ENTPD1: variants seen among roughly 807,000 people sequenced by gnomAD.
The protein encoded by ENTPD1 is ATP diphosphohydrolase.
In ENTPD1, 33 loss-of-function variants were observed where a neutral mutation model predicts 57.0. The ratio of observed to expected loss-of-function variants is 0.58; its 90% confidence interval spans 0.44 to 0.77. The LOEUF is 0.77. ENTPD1 is among the 30% of genes least tolerant of loss of function. The pLI is 0.00. For missense variants in ENTPD1, 501 were observed against 603.4 expected, an observed-to-expected ratio of 0.83 and a Z score of 1.78; for synonymous variants, 202 against 218.8, an observed-to-expected ratio of 0.92 and a Z score of 0.68.
At chr10:95,792,997 A>C (rs1194400324) in intron 1 of ENTPD1, among the ~76,000 whole-genome samples, 1 of 152,170 alleles carries the variant, frequency 6.6e-6, no homozygotes, top group East Asian at 1.9e-4. Flanking sequence ...TCTTGGGCTT[A>C]CTATGCTTTC....
At chr10:95,826,418 A>G (rs2098376651) in intron 2 of ENTPD1, among the ~76,000 whole-genome samples, 1 of 151,900 alleles carries the variant, frequency 6.6e-6, no homozygotes, top group Non-Finnish European at 1.5e-5. Flanking sequence ...ACTAAAATAC[A>G]AAAAATTAGC....
At chr10:95,857,004 C>T (rs1252385775) in intron 7 of ENTPD1, among the ~76,000 whole-genome samples, 4 of 151,474 alleles carry the variant, frequency 2.6e-5, no homozygotes, top group East Asian at 3.9e-4. Flanking sequence ...ATATAATAAA[C>T]GTGTTTTTTT....
chr10:95,737,902 A>G (rs558288987), intron 1 of ENTPD1, among the ~76,000 whole-genome samples: 151 of 152,320 alleles, frequency 9.9e-4, no homozygotes, highest in African/African-American at 3.3e-3. Context: ...TAGGTGGCCA[A>G]ATTAGCTGGA....
chr10:95,817,279 G>A (rs1413703676), intron 1 of ENTPD1, among the ~76,000 whole-genome samples: 1 of 152,204 alleles, frequency 6.6e-6, no homozygotes, highest in Non-Finnish European at 1.5e-5. Flanking sequence ...CGTCTGCCCA[G>A]ACCTGGTTTT....
intron 1 of ENTPD1, among the ~76,000 whole-genome samples, chr10:95,718,688 C>T (rs1182945673): frequency 6.6e-6 from 1 of 152,146 alleles, no homozygotes; most frequent in Non-Finnish European, 1.5e-5. Context: ...ATTAGTTCTG[C>T]CAGCTGAGCA....
At chr10:95,854,253 G>C (rs1264067685) in intron 7 of ENTPD1, among the ~76,000 whole-genome samples, 1 of 152,160 alleles carries the variant, frequency 6.6e-6, no homozygotes, top group African/African-American at 2.4e-5. Flanking sequence ...ATGGTAGTTT[G>C]TATTTCTGTG....
chr10:95,773,545 A>G (rs1174938767), intron 1 of ENTPD1, among the ~76,000 whole-genome samples: 1 of 152,152 alleles, frequency 6.6e-6, no homozygotes, highest in Admixed American at 6.5e-5. Flanking sequence ...CAGATTTAAC[A>G]TAATTCTTAA....
At chr10:95,696,539 C>T in the ENTPD1 span, among the ~76,000 whole-genome samples, 11 of 152,294 alleles carry the variant, frequency 7.2e-5, no homozygotes, top group African/African-American at 2.4e-4. Context: ...CTCAGCCTCC[C>T]GAAGTGTTGG....
intron 1 of ENTPD1, among the ~76,000 whole-genome samples, chr10:95,734,107 C>T (rs1242030362): frequency 1.3e-5 from 2 of 152,190 alleles, no homozygotes; most frequent in African/African-American, 2.4e-5. Flanking sequence ...CCTCACCACA[C>T]TCCCCCTTTC....
chr10:95,699,618 AAGAG>A, the ENTPD1 span, among the ~76,000 whole-genome samples: 2 of 133,910 alleles, frequency 1.5e-5, no homozygotes, highest in Non-Finnish European at 1.7e-5. Flanking sequence ...AAAAAAAAGA[AAGAG>A]AGAGATTGAG....
At chr10:95,759,319 C>A (rs1366530775) in intron 1 of ENTPD1, among the ~76,000 whole-genome samples, 1 of 152,094 alleles carries the variant, frequency 6.6e-6, no homozygotes, top group African/African-American at 2.4e-5. Context: ...CTAATGTAAC[C>A]CCATGCCAGG....
chr10:95,871,497 T>C lies in ENTPD1; in HGVS notation c.*5114T>C. 1.0e-6 allele frequency: 1 copy of C among 985,412 alleles called. No homozygotes were observed. Among genetic ancestry groups the C allele is most frequent in the Middle Eastern group, 5.2e-4 (1 of 1,914 alleles). The allele number at this position is 985,412 out of a possible 1,614,324, so 61.0% of individuals were successfully genotyped here. ...TACGTTTAGGACAATGTATAGCTAA[T>C]TACCCAACTTTTTATTTGCATACAA... On this transcript the variant is annotated 3_prime_UTR_variant, in exon 10 of 10. Coordinates refer to ENST00000371205, the MANE Select transcript of ENTPD1 (RefSeq NM_001776.6).
chr10:95,742,426 C>A (rs1032531909), intron 1 of ENTPD1, among the ~76,000 whole-genome samples: 1 of 152,046 alleles, frequency 6.6e-6, no homozygotes, highest in Non-Finnish European at 1.5e-5. Flanking sequence ...CTGTCCTCCC[C>A]CTAGAGTTGC....
At chr10:95,774,688 A>G (rs1336661685) in intron 1 of ENTPD1, among the ~76,000 whole-genome samples, 4 of 152,146 alleles carry the variant, frequency 2.6e-5, no homozygotes, top group Non-Finnish European at 5.9e-5. Context: ...CCACTGGTCT[A>G]TCTCTCTGTT....
rs71034350 is a variant in ENTPD1, at chr10:95,760,814, C to CTTTTTTTTTTTTTTTTTTTTTTTTTTTT, written c.16+4565_16+4592dup. ...TGGAGTAAATTACATAGAGTTTATTCTTTTTTTTTTTTTTTTTTTTTTTTT... is the reference window on the plus strand; with the variant it reads ...TGGAGTAAATTACATAGAGTTTATTCTTTTTTTTTTTTTTTTTTTTTTTTTTTTTTTTTTTTTTTTTTTTTTTTTTTTT... On this transcript the variant is annotated intron_variant, in intron 1 of 9. Transcript: ENST00000371205. Among the ~76,000 whole-genome samples, 5 of 62,956 alleles carry CTTTTTTTTTTTTTTTTTTTTTTTTTTTT rather than the reference C, an allele frequency of 7.9e-5. 2 individuals carry two copies. The highest frequency in any genetic ancestry group is 2.1e-4 in the Admixed American group (1 of 4,846). The allele number at this position is 62,956 out of a possible 152,430, so 41.3% of individuals were successfully genotyped here.
At chr10:95,865,054 C>T (rs1169698554) in intron 9 of ENTPD1, among the ~76,000 whole-genome samples, 193 bp downstream of exon 9, 1 of 152,164 alleles carries the variant, frequency 6.6e-6, no homozygotes, top group East Asian at 1.9e-4. Context: ...TGAGCATCCT[C>T]GCTAAGGACA....
intron 1 of ENTPD1, among the ~76,000 whole-genome samples, chr10:95,818,645 A>T (rs1706980166): frequency 6.6e-6 from 1 of 152,188 alleles, no homozygotes; most frequent in African/African-American, 2.4e-5. Context: ...CTTGGGATGA[A>T]ATAACTGAGA....
At chr10:95,759,971 A>G (rs2098049621) in intron 1 of ENTPD1, among the ~76,000 whole-genome samples, 1 of 152,070 alleles carries the variant, frequency 6.6e-6, no homozygotes, top group Non-Finnish European at 1.5e-5. Flanking sequence ...GATACGTTCT[A>G]CCTCCTCAAG....
intron 1 of ENTPD1, among the ~76,000 whole-genome samples, chr10:95,796,804 C>A (rs1440065302): frequency 6.6e-6 from 1 of 152,088 alleles, no homozygotes; most frequent in Non-Finnish European, 1.5e-5. Context: ...ATGGCCTGGG[C>A]ATGGTGGCTC....
Sources: allele counts gnomAD v4.1 joint callset (sites outside exome capture counted in the v4.1 genomes callset), GRCh38; gene constraint gnomAD v4.1.1; transcripts MANE v1.5; gene names NCBI Gene and HGNC (gene_info 2026-07-23, HGNC 2026-07-21).